Variants in TAFA2 observed in about 807,000 individuals in gnomAD.
TAFA2 encodes the protein TAFA chemokine like family member 2.
Under a neutral mutation model 18.8 loss-of-function variants are expected in TAFA2, and 7 were observed. That is an observed-to-expected ratio of 0.37 (90% confidence interval 0.21 to 0.70). The LOEUF (loss-of-function observed/expected upper bound fraction) is 0.70, where lower values mean the gene tolerates loss of function less well. Among genes scored for constraint, TAFA2 ranks in the 30% least tolerant of loss-of-function variants. TAFA2 has a pLI of 0.53. For synonymous variants in TAFA2, 60 were observed against 54.2 expected, an observed-to-expected ratio of 1.11 and a Z score of -0.47; for missense variants, 122 against 158.1, an observed-to-expected ratio of 0.77 and a Z score of 1.23.
chr12:61,762,998 T>C (rs982823485), intron 2 of TAFA2, among the ~76,000 whole-genome samples: 2 of 149,228 alleles, frequency 1.3e-5, no homozygotes, highest in Admixed American at 1.4e-4. Context: ...TCACTTTAAA[T>C]TGAAAAAATG....
chr12:62,108,439 G>A (rs1208275679), intron 1 of TAFA2, among the ~76,000 whole-genome samples: 1 of 152,148 alleles, frequency 6.6e-6, no homozygotes, highest in African/African-American at 2.4e-5. Flanking sequence ...GAACAATGGT[G>A]CATTAAATGT....
intron 1 of TAFA2, among the ~76,000 whole-genome samples, chr12:61,995,506 G>A (rs11835677): frequency 0.16 from 23,762 of 151,524 alleles, 2,121 homozygotes; most frequent in East Asian, 0.26. Context: ...TATTTGTTTC[G>A]TCTGTCTTCT....
intron 1 of TAFA2, among the ~76,000 whole-genome samples, chr12:61,974,475 G>T (rs1233620321): frequency 6.6e-6 from 1 of 151,786 alleles, no homozygotes; most frequent in Non-Finnish European, 1.5e-5. Context: ...AAGATGATTT[G>T]ATGCTATAAT....
intron 1 of TAFA2, among the ~76,000 whole-genome samples, chr12:62,157,193 T>C (rs2062375528): frequency 6.6e-6 from 1 of 152,194 alleles, no homozygotes; most frequent in African/African-American, 2.4e-5. Context: ...CAACATATAA[T>C]AGACTTATTG....
intron 1 of TAFA2, among the ~76,000 whole-genome samples, chr12:62,043,752 T>A (rs1345714977): frequency 6.6e-6 from 1 of 152,200 alleles, no homozygotes; most frequent in South Asian, 2.1e-4. Context: ...AAGAATTATA[T>A]CTTGCATATA....
chr12:61,867,730 A>T (rs1874422021), intron 1 of TAFA2, among the ~76,000 whole-genome samples: 1 of 152,186 alleles, frequency 6.6e-6, no homozygotes, highest in South Asian at 2.1e-4. Context: ...ACATAGATTT[A>T]GTTTATTAAC....
intron 1 of TAFA2, among the ~76,000 whole-genome samples, chr12:62,168,209 A>G (rs2062453067): frequency 6.6e-6 from 1 of 152,218 alleles, no homozygotes; most frequent in South Asian, 2.1e-4. Context: ...AAGGAATCAT[A>G]GAATTCTTAT....
At chr12:62,011,610 T>C (rs1431095318) in intron 1 of TAFA2, among the ~76,000 whole-genome samples, 1 of 152,112 alleles carries the variant, frequency 6.6e-6, no homozygotes, top group East Asian at 1.9e-4. Flanking sequence ...ACAAACACTG[T>C]GGAAGGCCGC....
At chr12:61,820,664 G>A (rs1872283891) in intron 2 of TAFA2, among the ~76,000 whole-genome samples, 1 of 151,940 alleles carries the variant, frequency 6.6e-6, no homozygotes, top group South Asian at 2.1e-4. Context: ...CACTCATTGA[G>A]TATTTGATGA....
chr12:62,213,031 T>C (rs915285171), intron 1 of TAFA2, among the ~76,000 whole-genome samples: 6 of 152,222 alleles, frequency 3.9e-5, no homozygotes. Flanking sequence ...TGAAATTATA[T>C]AAAATAGAGG....
At chr12:61,977,733 G>T (rs1879487280) in intron 1 of TAFA2, among the ~76,000 whole-genome samples, 1 of 151,988 alleles carries the variant, frequency 6.6e-6, no homozygotes, top group Non-Finnish European at 1.5e-5. Context: ...CCTACAGTAT[G>T]AAACCATTCT....
rs68158949 is a variant in TAFA2, at chr12:61,836,756, T to TATATATATATATATATAC, written c.106+30563_106+30564insGTATATATATATATATAT. Among the ~76,000 whole-genome samples the TATATATATATATATATAC allele has an allele frequency of 8.4e-3, 1,001 of 119,704 alleles. 16 individuals carry two copies. Among genetic ancestry groups the TATATATATATATATATAC allele is most frequent in the Non-Finnish European group, 0.013 (739 of 55,006 alleles). The allele number at this position is 119,704 out of a possible 152,430, so 78.5% of individuals were successfully genotyped here. A position where few individuals can be genotyped will look rare whatever the true frequency, so the allele number is the denominator to read the frequency against. On this transcript the variant is annotated intron_variant, in intron 2 of 4. Coordinates refer to ENST00000416284, the MANE Select transcript of TAFA2 (RefSeq NM_178539.5). The stretch of plus-strand genomic sequence containing the variant: ...TGATATATATATATATATATATATA[T>TATATATATATATATATAC]ACACACACACACACAAATACATATA...
intron 1 of TAFA2, among the ~76,000 whole-genome samples, chr12:61,868,576 T>C (rs1036856303): frequency 6.6e-6 from 1 of 152,136 alleles, no homozygotes; most frequent in Non-Finnish European, 1.5e-5. Context: ...CCCTTTTTTG[T>C]ACATTTTTAC....
At chr12:62,246,126 A>G (rs1489943825) in intron 1 of TAFA2, among the ~76,000 whole-genome samples, 3 of 151,846 alleles carry the variant, frequency 2.0e-5, no homozygotes, top group African/African-American at 2.4e-5. Context: ...AGCTGGGACT[A>G]CAGGCGCCCG....
chr12:62,082,415 G>A (rs774618429), intron 1 of TAFA2, among the ~76,000 whole-genome samples: 25 of 152,140 alleles, frequency 1.6e-4, no homozygotes, highest in Non-Finnish European at 2.5e-4. Flanking sequence ...TTAGTAGTAA[G>A]CAGCTATTTT....
chr12:61,776,399 T>C (rs1434848858), intron 2 of TAFA2: 1 of 158,626 alleles, frequency 6.3e-6, no homozygotes, highest in Non-Finnish European at 1.3e-5. Flanking sequence ...TATGAATTCA[T>C]GCATAATAGA....
intron 2 of TAFA2, among the ~76,000 whole-genome samples, chr12:61,812,498 AC>A (rs1240996660): frequency 6.6e-6 from 1 of 151,236 alleles, no homozygotes; most frequent in Non-Finnish European, 1.5e-5. Flanking sequence ...GAAGCTAGTG[AC>A]CTAGGACAAC....
chr12:61,875,650 T>C (rs1167899287), intron 1 of TAFA2, among the ~76,000 whole-genome samples: 2 of 152,184 alleles, frequency 1.3e-5, no homozygotes, highest in African/African-American at 4.8e-5. Context: ...TGATGATGTT[T>C]GTAAAGGACA....
intron 1 of TAFA2, among the ~76,000 whole-genome samples, chr12:62,076,317 A>G (rs151315703): frequency 1.7e-3 from 261 of 152,324 alleles, no homozygotes; most frequent in African/African-American, 5.7e-3. Context: ...GATTATCTTC[A>G]GTTTTGTTAG....
Sources: gnomAD v4.1 joint callset for allele counts (sites outside exome capture counted in the v4.1 genomes callset) on GRCh38, gnomAD v4.1.1 for gene constraint, MANE v1.5 for transcripts, NCBI Gene and HGNC (gene_info 2026-07-23, HGNC 2026-07-21) for gene names.